PRKG1: variants seen among roughly 807,000 people sequenced by gnomAD.
PRKG1 encodes the protein cGMP-dependent protein kinase 1.
In PRKG1, 35 loss-of-function variants were observed where a neutral mutation model predicts 88.1. That is an observed-to-expected ratio of 0.40 (90% CI 0.30 to 0.53). PRKG1 has a LOEUF of 0.53. Ranked by LOEUF, PRKG1 falls within the 20% of genes least tolerant of loss-of-function variation. The probability of loss-of-function intolerance (pLI) is 0.59; values close to 1 mark genes in which losing one functional copy is unlikely to be tolerated. For missense variants in PRKG1, 540 were observed against 839.8 expected, an observed-to-expected ratio of 0.64 and a Z score of 4.41; for synonymous variants, 303 against 292.5, an observed-to-expected ratio of 1.04 and a Z score of -0.37.
chr10:50,995,853 A>G (rs1842831762), intron 1 of PRKG1, among the ~76,000 whole-genome samples: 1 of 152,214 alleles, frequency 6.6e-6, no homozygotes, highest in African/African-American at 2.4e-5. Flanking sequence ...TTGATTCTTG[A>G]TAATGTAAAT....
chr10:51,945,192 C>A (rs1589443482), intron 5 of PRKG1, among the ~76,000 whole-genome samples: 1 of 148,788 alleles, frequency 6.7e-6, no homozygotes, highest in Admixed American at 6.7e-5. Context: ...TTGAATTGAT[C>A]CCTTTACCAT....
chr10:51,411,136 A>G (rs1017107087), intron 2 of PRKG1, among the ~76,000 whole-genome samples: 6 of 152,098 alleles, frequency 3.9e-5, no homozygotes, highest in African/African-American at 1.2e-4. Flanking sequence ...AGGAGCTTGA[A>G]CTACAGGTGT....
At chr10:51,459,618 T>C (rs1410950170) in intron 2 of PRKG1, among the ~76,000 whole-genome samples, 3 of 152,188 alleles carry the variant, frequency 2.0e-5, no homozygotes, top group Non-Finnish European at 1.5e-5. Flanking sequence ...TAAGATACTA[T>C]TATCCCAAAT....
At chr10:51,477,636 C>A (rs1478354993) in intron 3 of PRKG1, among the ~76,000 whole-genome samples, 1 of 151,942 alleles carries the variant, frequency 6.6e-6, no homozygotes, top group Non-Finnish European at 1.5e-5. Context: ...CGGCAACGAA[C>A]ATAATGGAGT....
At chr10:51,969,699 A>C (rs1237730973) in intron 5 of PRKG1, among the ~76,000 whole-genome samples, 1 of 152,058 alleles carries the variant, frequency 6.6e-6, no homozygotes, top group Non-Finnish European at 1.5e-5. Flanking sequence ...GAGAAAGGCA[A>C]ATCAAAACTA....
intron 5 of PRKG1, among the ~76,000 whole-genome samples, chr10:51,963,348 A>C (rs544975605): frequency 6.6e-6 from 1 of 152,346 alleles, no homozygotes; most frequent in South Asian, 2.1e-4. Context: ...GCACGTGCTA[A>C]AGAAGCACAT....
intron 1 of PRKG1, among the ~76,000 whole-genome samples, chr10:51,120,316 G>A (rs1845230080): frequency 1.3e-5 from 2 of 152,020 alleles, no homozygotes; most frequent in Admixed American, 6.6e-5. Context: ...TGTTGATTCC[G>A]ATTTTTCTGG....
At chr10:51,704,246 C>CAGATAGATAGATAGATAGAT (rs1464008954) in intron 3 of PRKG1, among the ~76,000 whole-genome samples, 126 of 150,652 alleles carry the variant, frequency 8.4e-4, no homozygotes, top group African/African-American at 2.9e-3. Context: ...GACAGACAGA[C>CAGATAGATAGATAGATAGAT]AGACAGATAG....
At chr10:51,438,735 T>C (rs947287867) in intron 2 of PRKG1, among the ~76,000 whole-genome samples, 2 of 151,970 alleles carry the variant, frequency 1.3e-5, no homozygotes, top group African/African-American at 4.8e-5. Flanking sequence ...ACTTACTTGT[T>C]ATCTGATTCA....
chr10:51,201,810 A>G (rs1224030040), intron 2 of PRKG1, among the ~76,000 whole-genome samples: 1 of 152,230 alleles, frequency 6.6e-6, no homozygotes, highest in Non-Finnish European at 1.5e-5. Context: ...GCACCCTGAT[A>G]TCAGACTTCC....
intron 1 of PRKG1, among the ~76,000 whole-genome samples, chr10:51,025,915 T>C (rs1295813210): frequency 6.6e-6 from 1 of 152,184 alleles, no homozygotes; most frequent in Non-Finnish European, 1.5e-5. Flanking sequence ...AAATAGTCAT[T>C]GCAGTTATAA....
chr10:51,922,978 A>G (rs1169768400), intron 5 of PRKG1, among the ~76,000 whole-genome samples: 1 of 152,080 alleles, frequency 6.6e-6, no homozygotes, highest in African/African-American at 2.4e-5. Flanking sequence ...TCTATCAATT[A>G]CCAATAACAG....
intron 9 of PRKG1, among the ~76,000 whole-genome samples, chr10:52,195,093 C>T (rs1839468593): frequency 6.6e-6 from 1 of 152,100 alleles, no homozygotes; most frequent in Non-Finnish European, 1.5e-5. Flanking sequence ...AGAAATAGAT[C>T]ACATCATTTG....
intron 5 of PRKG1, among the ~76,000 whole-genome samples, chr10:52,053,428 C>A (rs1334316854): frequency 6.6e-6 from 1 of 152,080 alleles, no homozygotes; most frequent in Non-Finnish European, 1.5e-5. Flanking sequence ...AGCATAAGGA[C>A]AAATAACAAC....
chr10:51,201,908 C>A (rs567570329), intron 2 of PRKG1, among the ~76,000 whole-genome samples: 4 of 152,356 alleles, frequency 2.6e-5, no homozygotes, highest in Non-Finnish European at 5.9e-5. Flanking sequence ...AACTGACAGA[C>A]AGCAAGTGAA....
At chr10:52,001,476 A>G (rs1170461308) in intron 5 of PRKG1, among the ~76,000 whole-genome samples, 1 of 151,960 alleles carries the variant, frequency 6.6e-6, no homozygotes, top group African/African-American at 2.4e-5. Flanking sequence ...TCCTAAACAT[A>G]TACAACTTTT....
At chr10:51,337,403 T>A (rs1841901935) in intron 2 of PRKG1, among the ~76,000 whole-genome samples, 1 of 151,914 alleles carries the variant, frequency 6.6e-6, no homozygotes, top group Non-Finnish European at 1.5e-5. Context: ...AAGCAAAAAT[T>A]GACAAATGGG....
chr10:51,175,059 T>C (rs9414860), intron 2 of PRKG1, among the ~76,000 whole-genome samples: 9,997 of 152,054 alleles, frequency 0.066, 692 homozygotes, highest in African/African-American at 0.17. Flanking sequence ...TATAACCAGC[T>C]AGTTTTCTAT....
chr10:51,517,081 A>C (rs1331998716), intron 3 of PRKG1, among the ~76,000 whole-genome samples: 1 of 152,214 alleles, frequency 6.6e-6, no homozygotes, highest in South Asian at 2.1e-4. Context: ...TATAAATTAG[A>C]CTGACAAATG....
Sources: allele counts gnomAD v4.1 joint callset (sites outside exome capture counted in the v4.1 genomes callset), GRCh38; gene constraint gnomAD v4.1.1; transcripts MANE v1.5; gene names NCBI Gene and HGNC (gene_info 2026-07-23, HGNC 2026-07-21).